The following MGMT variants were observed in gnomAD, a reference collection of about 807,000 sequenced individuals.
MGMT encodes methylated-DNA--protein-cysteine methyltransferase.
MGMT carries 14 observed loss-of-function variants against 15.9 expected under a neutral mutation model. The observed-to-expected ratio is 0.88, with a 90% CI of 0.58 to 1.37. The LOEUF (loss-of-function observed/expected upper bound fraction) is 1.37. Among genes scored for constraint, MGMT ranks in the 40% most tolerant of loss-of-function variants. MGMT has a pLI of 0.00. For synonymous variants in MGMT, 130 were observed against 118.2 expected (o/e 1.10, Z -0.65); for missense variants, 282 against 268.1 (o/e 1.05, Z -0.36).
intron 2 of MGMT, among the ~76,000 whole-genome samples, chr10:129,577,980 G>A (rs1425923202): frequency 6.6e-6 from 1 of 152,208 alleles, no homozygotes; most frequent in Non-Finnish European, 1.5e-5. Context: ...AAACCACAAT[G>A]AGATGCCATC....
intron 2 of MGMT, among the ~76,000 whole-genome samples, chr10:129,617,739 GTGTT>G (rs1203487851): frequency 6.6e-6 from 1 of 152,120 alleles, no homozygotes; most frequent in African/African-American, 2.4e-5. Context: ...CTTTTGAAAA[GTGTT>G]TGTTCATGTC....
chr10:129,733,478 G>C (rs1848525404), intron 3 of MGMT, among the ~76,000 whole-genome samples: 1 of 148,844 alleles, frequency 6.7e-6, no homozygotes, highest in Admixed American at 6.7e-5. Flanking sequence ...CAGATGAGTA[G>C]GTTGCGAAAA....
chr10:129,726,129 A>G (rs942377377), intron 3 of MGMT, among the ~76,000 whole-genome samples: 1 of 152,046 alleles, frequency 6.6e-6, no homozygotes, highest in Non-Finnish European at 1.5e-5. Flanking sequence ...GTGCTTTCCA[A>G]GTGGCGGGGC....
intron 2 of MGMT, among the ~76,000 whole-genome samples, chr10:129,653,923 A>G (rs957040650): frequency 3.9e-5 from 6 of 152,082 alleles, no homozygotes; most frequent in Non-Finnish European, 7.4e-5. Context: ...CCTGCAGTCA[A>G]GGGGCCAGGT....
At chr10:129,687,486 T>C (rs1458475118) in intron 2 of MGMT, among the ~76,000 whole-genome samples, 1 of 152,162 alleles carries the variant, frequency 6.6e-6, no homozygotes, top group Non-Finnish European at 1.5e-5. Flanking sequence ...GTTTTTACAG[T>C]TGAATGCAAA....
chr10:129,636,332 C>G (rs1045684234), intron 2 of MGMT, among the ~76,000 whole-genome samples: 1 of 152,202 alleles, frequency 6.6e-6, no homozygotes, highest in Non-Finnish European at 1.5e-5. Context: ...CACGTATAAC[C>G]AGCACAGAGG....
intron 2 of MGMT, among the ~76,000 whole-genome samples, chr10:129,576,385 G>T (rs543826621): frequency 1.3e-5 from 2 of 152,056 alleles, no homozygotes; most frequent in East Asian, 1.9e-4. Flanking sequence ...TTCAATATAC[G>T]CAAATCAATA....
intron 3 of MGMT, among the ~76,000 whole-genome samples, chr10:129,727,316 A>G (rs531479852): frequency 2.0e-5 from 3 of 152,252 alleles, no homozygotes; most frequent in Non-Finnish European, 4.4e-5. Flanking sequence ...CAGAGGACAT[A>G]CAGGCAGCCC....
Position 129,608,161 on chromosome 10 carries a change from G to A in MGMT, c.125+71784G>A, listed in dbSNP as rs183048181. Among the ~76,000 whole-genome samples, 291 of 152,348 alleles carry A rather than the reference G, an allele frequency of 1.9e-3. 3 individuals are homozygous for A. Among genetic ancestry groups the A allele is most frequent in the African/African-American group, 6.7e-3 (278 of 41,580 alleles). ...AATAGAAAAAAAACGGGGTTGCCAC[G>A]TTGACTTGCAATATGGAGCAAAAAA... On this transcript the variant is annotated intron_variant, in intron 2 of 4. Coordinates refer to ENST00000651593, the MANE Select transcript of MGMT (RefSeq NM_002412.5).
intron 1 of MGMT, among the ~76,000 whole-genome samples, chr10:129,523,254 G>A (rs1046142359): frequency 1.5e-4 from 23 of 152,242 alleles, no homozygotes; most frequent in African/African-American, 5.3e-4. Flanking sequence ...CCTGTGGGGT[G>A]AGCGCCATCC....
intron 2 of MGMT, among the ~76,000 whole-genome samples, chr10:129,675,752 G>A (rs975143586): frequency 6.6e-6 from 1 of 152,182 alleles, no homozygotes; most frequent in African/African-American, 2.4e-5. Flanking sequence ...AGAGCATCAG[G>A]GAGAAGAGAG....
At chr10:129,470,990 T>G (rs1845224126) in intron 1 of MGMT, among the ~76,000 whole-genome samples, 1 of 152,228 alleles carries the variant, frequency 6.6e-6, no homozygotes, top group African/African-American at 2.4e-5. Context: ...CTTGGTAGAA[T>G]AATTTCCTAC....
intron 2 of MGMT, among the ~76,000 whole-genome samples, chr10:129,595,727 A>G (rs567145597): frequency 2.0e-5 from 3 of 152,082 alleles, no homozygotes; most frequent in Non-Finnish European, 4.4e-5. Flanking sequence ...GATTTTTCAA[A>G]TCCCTGGCAC....
At chr10:129,536,833 T>A (rs897684261) in intron 2 of MGMT, 2 of 152,262 alleles carry the variant, frequency 1.3e-5, no homozygotes, top group African/African-American at 4.8e-5. Flanking sequence ...GACTGCTTGA[T>A]GTTCTGGAAT....
intron 2 of MGMT, among the ~76,000 whole-genome samples, chr10:129,692,033 C>T (rs1589939807): frequency 1.3e-5 from 2 of 152,332 alleles, no homozygotes; most frequent in East Asian, 1.9e-4. Context: ...GGGCGGTGCA[C>T]GTGGGGGCAC....
At chr10:129,500,187 C>T (rs1440984455) in intron 1 of MGMT, among the ~76,000 whole-genome samples, 1 of 152,128 alleles carries the variant, frequency 6.6e-6, no homozygotes, top group Non-Finnish European at 1.5e-5. Context: ...AGAGGAATAC[C>T]AGTGTTGTAT....
At chr10:129,686,168 G>T (rs1847902288) in intron 2 of MGMT, among the ~76,000 whole-genome samples, 1 of 152,018 alleles carries the variant, frequency 6.6e-6, no homozygotes, top group South Asian at 2.1e-4. Flanking sequence ...AAACTGGAGG[G>T]CACAGACTGG....
chr10:129,644,219 C>T (rs1333018046), intron 2 of MGMT, among the ~76,000 whole-genome samples: 1 of 152,220 alleles, frequency 6.6e-6, no homozygotes, highest in East Asian at 1.9e-4. Flanking sequence ...ACTCCCGGTA[C>T]ACCCAGCACC....
At chr10:129,576,867 T>C (rs1846489659) in intron 2 of MGMT, among the ~76,000 whole-genome samples, 1 of 152,092 alleles carries the variant, frequency 6.6e-6, no homozygotes, top group African/African-American at 2.4e-5. Context: ...TGTGCAAAAA[T>C]CACAAGCATT....
Sources: gnomAD v4.1 joint callset for allele counts (sites outside exome capture counted in the v4.1 genomes callset) on GRCh38, gnomAD v4.1.1 for gene constraint, MANE v1.5 for transcripts, NCBI Gene and HGNC (gene_info 2026-07-23, HGNC 2026-07-21) for gene names.